Variants in CDH13 observed in about 807,000 individuals in gnomAD.
CDH13 encodes cadherin-13.
In CDH13, 24 loss-of-function variants were observed where a neutral mutation model predicts 63.8. That is an observed-to-expected ratio of 0.38 (90% CI 0.27 to 0.53). The LOEUF (loss-of-function observed/expected upper bound fraction) is 0.53. Among genes scored for constraint, CDH13 ranks in the 20% least tolerant of loss-of-function variants. The pLI is 0.85. For missense variants in CDH13, 1,049 were observed against 903.1 expected (o/e 1.16, Z -2.07); for synonymous variants, 503 against 355.3 (o/e 1.42, Z -4.67).
intron 2 of CDH13, among the ~76,000 whole-genome samples, chr16:82,971,945 C>T (rs938253610): frequency 6.6e-6 from 1 of 152,158 alleles, no homozygotes; most frequent in Non-Finnish European, 1.5e-5. Flanking sequence ...TGGGGAGCCT[C>T]TTCAGCTACT....
At chr16:83,210,956 T>C (rs1410205168) in intron 4 of CDH13, among the ~76,000 whole-genome samples, 1 of 151,798 alleles carries the variant, frequency 6.6e-6, no homozygotes, top group Admixed American at 6.6e-5. Context: ...GAGACCATCC[T>C]GGCTAACACA....
chr16:83,035,731 C>G (rs1916788206), intron 3 of CDH13, among the ~76,000 whole-genome samples: 1 of 152,138 alleles, frequency 6.6e-6, no homozygotes, highest in African/African-American at 2.4e-5. Flanking sequence ...TGTTTCTCTT[C>G]TAAGCTGTGT....
At position 83,217,500 on chromosome 16, in the gene CDH13, G is replaced by A; in HGVS notation, c.636+3G>A. 1 of 1,612,636 alleles carries A rather than the reference G, an allele frequency of 6.2e-7. No homozygotes were observed. Among genetic ancestry groups the A allele is most frequent in the Non-Finnish European group, 8.5e-7 (1 of 1,178,936 alleles). On this transcript the variant is annotated splice_donor_region_variant and intron_variant, in intron 5 of 13. Transcript: ENST00000567109. Reference sequence around the variant, plus strand: ...GAGAAGTAATCGCTGTTTATCAAGTGAGTACCCCTCTCCCATGCCCACCCT... The same window carrying A: ...GAGAAGTAATCGCTGTTTATCAAGTAAGTACCCCTCTCCCATGCCCACCCT...
chr16:83,512,627 C>G (rs1310509514), intron 7 of CDH13, among the ~76,000 whole-genome samples: 1 of 150,550 alleles, frequency 6.6e-6, no homozygotes, highest in African/African-American at 2.4e-5. Flanking sequence ...GAGATCATGC[C>G]ACTGCACTCC....
intron 1 of CDH13, among the ~76,000 whole-genome samples, chr16:82,809,044 A>G (rs532517027): frequency 1.3e-5 from 2 of 152,262 alleles, no homozygotes; most frequent in African/African-American, 4.8e-5. Context: ...ATGCATATAC[A>G]TATGTATGAA....
intron 1 of CDH13, among the ~76,000 whole-genome samples, chr16:82,787,935 C>T (rs1420195224): frequency 6.8e-6 from 1 of 147,848 alleles, no homozygotes; most frequent in Admixed American, 6.9e-5. Context: ...AACTCCTGGG[C>T]TGTACCTACG....
chr16:83,170,156 C>A lies in CDH13; in HGVS notation c.483+44655C>A, dbSNP rs545300691. Among the ~76,000 whole-genome samples, 126 of 152,218 alleles carry A rather than the reference C, an allele frequency of 8.3e-4. 1 individual carries two copies. Among genetic ancestry groups the A allele is most frequent in the African/African-American group, 3.0e-3 (125 of 41,550 alleles). On this transcript the variant is annotated intron_variant, in intron 4 of 13. Coordinates refer to ENST00000567109, the MANE Select transcript of CDH13 (RefSeq NM_001257.5). ...AATTTTGCAAAAATGCCATACTGTTCCAACACTCATAGTTTTATAATGTGT... is the reference window on the plus strand; with the variant it reads ...AATTTTGCAAAAATGCCATACTGTTACAACACTCATAGTTTTATAATGTGT...
intron 8 of CDH13, among the ~76,000 whole-genome samples, chr16:83,614,460 A>G (rs972063609): frequency 3.9e-5 from 6 of 152,168 alleles, no homozygotes; most frequent in Non-Finnish European, 5.9e-5. Context: ...TTCTGCTCAG[A>G]TGCTTAGCCT....
chr16:82,686,738 A>G (rs189787522), intron 1 of CDH13, among the ~76,000 whole-genome samples: 2 of 152,312 alleles, frequency 1.3e-5, no homozygotes, highest in South Asian at 2.1e-4. Context: ...CTTGATGCAC[A>G]GGGGAAATAG....
chr16:83,572,684 A>G (rs966854464), intron 7 of CDH13, among the ~76,000 whole-genome samples: 1 of 152,230 alleles, frequency 6.6e-6, no homozygotes, highest in Admixed American at 6.5e-5. Context: ...TGGGCAGAGG[A>G]AAAGCTATTG....
At chr16:83,271,186 G>T (rs1482716085) in intron 5 of CDH13, among the ~76,000 whole-genome samples, 2 of 151,776 alleles carry the variant, frequency 1.3e-5, no homozygotes, top group Non-Finnish European at 2.9e-5. Context: ...CCTATCCCCA[G>T]AAGCTCCTCA....
intron 3 of CDH13, among the ~76,000 whole-genome samples, chr16:83,069,190 A>G (rs1274179765): frequency 2.6e-5 from 4 of 152,192 alleles, no homozygotes; most frequent in African/African-American, 4.8e-5. Context: ...GCATTTTCCA[A>G]TAAAGGAGTA....
intron 6 of CDH13, among the ~76,000 whole-genome samples, chr16:83,482,962 T>G (rs1051350459): frequency 7.9e-5 from 12 of 152,010 alleles, no homozygotes; most frequent in African/African-American, 2.9e-4. Context: ...CAGGACAGAG[T>G]TGGATAATGC....
In CDH13 at chr16:83,476,808, TTTA is replaced by T. The variant is rs567276977; in HGVS notation, c.782-9662_782-9660del. On this transcript the variant is annotated intron_variant, in intron 6 of 13. Coordinates refer to ENST00000567109, the MANE Select transcript of CDH13 (RefSeq NM_001257.5). ...AGGCTAATTCAATATAAAGAGTATT[TTTA>T]TTATTAGTTTGGAATATTAAAGTTT... 1.7e-3 allele frequency among the ~76,000 whole-genome samples: 254 copies of T among 152,366 alleles called. No homozygotes were observed. The Middle Eastern group carries it at 0.017, about 10-fold the overall frequency.
At chr16:82,961,516 C>T (rs532212225) in intron 2 of CDH13, among the ~76,000 whole-genome samples, 115 of 149,056 alleles carry the variant, frequency 7.7e-4, no homozygotes, top group African/African-American at 2.9e-3. Context: ...TATGAAGCCC[C>T]TACTGTCTTT....
rs746233082 is a variant in CDH13, at chr16:83,795,011, C to T, written c.2135-12C>T. 1.6e-5 allele frequency: 25 copies of T among 1,594,448 alleles called. No homozygotes were observed. Among genetic ancestry groups the T allele is most frequent in the Non-Finnish European group, 2.1e-5 (25 of 1,170,052 alleles). On this transcript the variant is annotated splice_polypyrimidine_tract_variant and intron_variant, in intron 13 of 13. Coordinates refer to ENST00000567109, the MANE Select transcript of CDH13 (RefSeq NM_001257.5). ...GATATTCCCGACTTAACTCTGAACC[C>T]TCTCTATTCAGGTCTGTGAGAACTC...
Position 83,002,937 on chromosome 16 carries a change from G to A in CDH13, c.158-29073G>A, listed in dbSNP as rs147688394. 8.4e-3 allele frequency among the ~76,000 whole-genome samples: 1,281 copies of A among 152,272 alleles called. 17 individuals are homozygous for A. The highest frequency in any genetic ancestry group is 0.023 in the African/African-American group (959 of 41,560). On this transcript the variant is annotated intron_variant, in intron 2 of 13. Coordinates refer to ENST00000567109, the MANE Select transcript of CDH13 (RefSeq NM_001257.5). ...CATTGACTTAACACTTATCTATTGA[G>A]CATGTACCAAATATATTGTTTTACG...
intron 5 of CDH13, among the ~76,000 whole-genome samples, chr16:83,292,247 T>G (rs2089483134): frequency 6.6e-6 from 1 of 152,200 alleles, no homozygotes; most frequent in Admixed American, 6.5e-5. Context: ...TAGTGGTACT[T>G]TCTCCTTTGC....
intron 5 of CDH13, among the ~76,000 whole-genome samples, chr16:83,237,301 C>T (rs1298970493): frequency 1.3e-5 from 2 of 152,198 alleles, no homozygotes; most frequent in South Asian, 4.1e-4. Context: ...GTGACCCACA[C>T]TTGTGTCTTT....
Sources: allele counts gnomAD v4.1 joint callset (sites outside exome capture counted in the v4.1 genomes callset), GRCh38; gene constraint gnomAD v4.1.1; transcripts MANE v1.5; gene names NCBI Gene and HGNC (gene_info 2026-07-23, HGNC 2026-07-21).